MED21: variants seen among roughly 807,000 people sequenced by gnomAD.
MED21 encodes mediator complex subunit 21.
MED21 carries 9 observed loss-of-function variants against 18.2 expected under a neutral mutation model. The ratio of observed to expected loss-of-function variants is 0.49; its 90% CI spans 0.30 to 0.86. The LOEUF is 0.86. MED21 is among the 40% of genes least tolerant of loss of function. The pLI is 0.07. For missense variants in MED21, 150 were observed against 170.9 expected (o/e 0.88, Z 0.68); for synonymous variants, 73 against 60.5 (o/e 1.21, Z -0.96).
In MED21 at chr12:27,022,798, C is replaced by T. The variant is rs767984719; in HGVS notation, c.42+177C>T. On this transcript the variant is annotated intron_variant, in intron 1 of 3. Transcript: ENST00000282892. ...AACTCGGAGGTTTGAGGCCGGCTGC[C>T]GGGCGGTGCTTGAAGGTGCGGGAGG... 5 of 1,517,838 alleles carry T rather than the reference C, an allele frequency of 3.3e-6. No individual in the cohort carries two copies. In the South Asian group the frequency reaches 3.6e-5, roughly 11 times the overall value. The allele number at this position is 1,517,838 out of a possible 1,614,324, so 94.0% of individuals were successfully genotyped here.
In MED21 at chr12:27,028,681, C is replaced by A; in HGVS notation, c.*220C>A. ...AAAGCATCATACCATCATTTTTTAA[C>A]TGAGTGAAATTATTAAGGCATGTAA... On this transcript the variant is annotated 3_prime_UTR_variant, in exon 4 of 4. Transcript: ENST00000282892. The A allele has an allele frequency of 8.3e-6, 10 of 1,207,126 alleles. No homozygotes were observed. The highest frequency in any genetic ancestry group is 9.3e-6 in the Non-Finnish European group (9 of 966,970). The allele number at this position is 1,207,126 out of a possible 1,614,324, so 74.8% of individuals were successfully genotyped here.
chr12:27,033,160 C>G (rs771684366), downstream of MED21, among the ~76,000 whole-genome samples: 2 of 152,112 alleles, frequency 1.3e-5, no homozygotes, highest in Non-Finnish European at 2.9e-5. Context: ...TTGTATTCAC[C>G]CATTCAGGCT....
rs1941589226 is a variant in MED21 at position 27,029,534 on chromosome 12, T to A, written c.*1073T>A. Reference sequence around the variant, plus strand: ...CTGCAATCTGTTGCTATTCAGAGTTTAAGTTTCAGGAGAAAACAGGAACAA... The same window carrying A: ...CTGCAATCTGTTGCTATTCAGAGTTAAAGTTTCAGGAGAAAACAGGAACAA... On this transcript the variant is annotated 3_prime_UTR_variant, in exon 4 of 4. Transcript: ENST00000282892. 1 of 985,340 alleles carries A rather than the reference T, an allele frequency of 1.0e-6. No homozygotes were observed. The highest frequency in any genetic ancestry group is 1.7e-5 in the African/African-American group (1 of 57,248). 61.0% of individuals were successfully genotyped at this position (985,340 alleles called of 1,614,324 possible). A position where few individuals can be genotyped will look rare whatever the true frequency, so the allele number is the denominator to read the frequency against.
In MED21 at chr12:27,028,553, A is replaced by G; in HGVS notation, c.*92A>G. ...TTAGATACAAGCCTTACCAACAATTACAGAAACATTAAACACTATGACACA... is the reference window on the plus strand; with the variant it reads ...TTAGATACAAGCCTTACCAACAATTGCAGAAACATTAAACACTATGACACA... On this transcript the variant is annotated 3_prime_UTR_variant, in exon 4 of 4. Coordinates refer to ENST00000282892, the MANE Select transcript of MED21 (RefSeq NM_004264.5). The G allele has an allele frequency of 6.8e-7, 1 of 1,476,480 alleles. No individual in the cohort carries two copies. The highest frequency in any genetic ancestry group is 9.0e-7 in the Non-Finnish European group (1 of 1,108,752). The allele number at this position is 1,476,480 out of a possible 1,614,324, so 91.5% of individuals were successfully genotyped here.
At position 27,028,055 on chromosome 12, in the gene MED21, C is replaced by T. The variant is rs1022648746; in HGVS notation, c.259-230C>T. ...TTGGAGTAGAATAATGGTGTCTAAA[C>T]GTAATGTGTAAGGGAGTCACTTAAA... On this transcript the variant is annotated intron_variant, in intron 3 of 3. Transcript: ENST00000282892. Among the ~76,000 whole-genome samples the T allele has an allele frequency of 1.8e-4, 28 of 152,198 alleles. No individual in the cohort carries two copies. The East Asian group carries it at 1.9e-3, about 10-fold the overall frequency.
chr12:27,035,063 T>G (rs1256417467), downstream of MED21, among the ~76,000 whole-genome samples: 1 of 152,142 alleles, frequency 6.6e-6, no homozygotes, highest in Admixed American at 6.5e-5. Flanking sequence ...TCAAAACTCT[T>G]AATTAGCCCG....
chr12:27,023,005 C>A (rs947820524), intron 1 of MED21: 2 of 801,232 alleles, frequency 2.5e-6, no homozygotes, highest in Non-Finnish European at 3.3e-6. Flanking sequence ...TTTTTTCTTT[C>A]CTCATCAATT....
intron 1 of MED21, 44 bp downstream of exon 1, chr12:27,022,665 A>G (rs1941486416): frequency 1.2e-6 from 2 of 1,610,866 alleles, no homozygotes; most frequent in Admixed American, 1.7e-5. Flanking sequence ...CTCTTTCTTG[A>G]GGTAAAGCAA....
At position 27,036,742 on chromosome 12, in the gene MED21, T is replaced by G. The variant is rs528609538; in HGVS notation, n.146+9295T>G. ...TTTCTCAGGTTTGTCAAAGATCAGA[T>G]AGTTGTAGATATGTGGCGTTATTTC... is the stretch of plus-strand genomic sequence containing the variant. On this transcript the variant is annotated intron_variant and non_coding_transcript_variant, in intron 2 of 4. Transcript: ENST00000538186. Among the ~76,000 whole-genome samples, 151 of 152,336 alleles carry G rather than the reference T, an allele frequency of 9.9e-4. No individual in the cohort carries two copies. In the Middle Eastern group the frequency reaches 0.014, roughly 14 times the overall value.
chr12:27,025,346 G>A (rs1941529607), intron 1 of MED21, among the ~76,000 whole-genome samples: 1 of 152,144 alleles, frequency 6.6e-6, no homozygotes, highest in African/African-American at 2.4e-5. Context: ...AAGGAGTAGT[G>A]GAAAACGAGT....
intron 2 of MED21, 65 bp from the exon 3 acceptor site, chr12:27,027,277 ATTAAC>A (rs1158703184): frequency 9.1e-6 from 10 of 1,100,242 alleles, no homozygotes; most frequent in Non-Finnish European, 1.3e-5. Flanking sequence ...TTCTGGTTTC[ATTAAC>A]TTAAAATTTG....
rs1273176477 is a variant in MED21, at chr12:27,029,655, G to A, written c.*1194G>A. 5.1e-6 allele frequency: 5 copies of A among 985,314 alleles called. No homozygotes were observed. Among genetic ancestry groups the A allele is most frequent in the Admixed American group, 6.1e-5 (1 of 16,266 alleles). The allele number at this position is 985,314 out of a possible 1,614,324, so 61.0% of individuals were successfully genotyped here. ...AATTTCAGGAACACCAGCGTTAGCT[G>A]TAAAAGTTGCAGCAATTTATTGGCT... On this transcript the variant is annotated 3_prime_UTR_variant, in exon 4 of 4. Coordinates refer to ENST00000282892, the MANE Select transcript of MED21 (RefSeq NM_004264.5).
chr12:27,023,458 G>C (rs903903623), intron 1 of MED21, among the ~76,000 whole-genome samples: 2 of 151,754 alleles, frequency 1.3e-5, no homozygotes, highest in African/African-American at 4.8e-5. Context: ...CACCACGCCC[G>C]GCTAATGTTT....
intron 2 of MED21, chr12:27,037,761 C>T (rs1047919984): frequency 1.1e-3 from 163 of 152,118 alleles, no homozygotes; most frequent in African/African-American, 3.9e-3. Context: ...TATTTTCTTC[C>T]TTGCTGAAAC....
rs371437187 is a variant in MED21, at chr12:27,029,579, T to C, written c.*1118T>C. On this transcript the variant is annotated 3_prime_UTR_variant, in exon 4 of 4. Transcript: ENST00000282892. Reference sequence around the variant, plus strand: ...GAACAATAGAACACTCTGCCTGTTATTTTTGTTGTAATCAAGCTTTTCCAC... The same window carrying C: ...GAACAATAGAACACTCTGCCTGTTACTTTTGTTGTAATCAAGCTTTTCCAC... 8 of 985,470 alleles carry C rather than the reference T, an allele frequency of 8.1e-6. No individual in the cohort carries two copies. The South Asian group carries it at 1.9e-4, about 23-fold the overall frequency. The allele number at this position is 985,470 out of a possible 1,614,324, so 61.0% of individuals were successfully genotyped here.
Position 27,027,405 on chromosome 12 carries a change from G to T in MED21, c.216G>T (p.Leu72Phe). 2 of 1,613,762 alleles carry T rather than the reference G, an allele frequency of 1.2e-6. No homozygotes were observed. The highest frequency in any genetic ancestry group is 1.7e-6 in the Non-Finnish European group (2 of 1,179,850). ...IARTAKDIDVLIDSLPSEEST... is the reference protein window; with the variant it reads ...IARTAKDIDVFIDSLPSEEST... The stretch of plus-strand genomic sequence containing the variant: ...GAACAGCAAAAGACATTGATGTTTT[G>T]ATAGATTCCTTACCCAGTGAAGAAT... Residue 72 changes from leucine to phenylalanine, a missense_variant, in exon 3 of 4, where the codon TTG becomes TTT. Physicochemically the swap from Leu to Phe is conservative, Grantham distance 22. Transcript: ENST00000282892.
At chr12:27,023,539 C>T (rs1256730073) in intron 1 of MED21, among the ~76,000 whole-genome samples, 1 of 152,020 alleles carries the variant, frequency 6.6e-6, no homozygotes, top group Non-Finnish European at 1.5e-5. Context: ...TCAAGCGATC[C>T]TCCCGCCTCG....
downstream of MED21, among the ~76,000 whole-genome samples, chr12:27,035,313 G>A (rs1409157169): frequency 1.3e-5 from 2 of 151,794 alleles, no homozygotes; most frequent in African/African-American, 2.4e-5. Context: ...TAAATATGCG[G>A]TTTCTTTGAA....
At chr12:27,037,532 A>C (rs1033693121) in intron 2 of MED21, 1 of 152,164 alleles carries the variant, frequency 6.6e-6, no homozygotes, top group African/African-American at 2.4e-5. Context: ...TTTCAAAGGG[A>C]ATGCTTCCAG....
Sources: gnomAD v4.1 joint callset for allele counts (sites outside exome capture counted in the v4.1 genomes callset) on GRCh38, gnomAD v4.1.1 for gene constraint, MANE v1.5 for transcripts, NCBI Gene and HGNC (gene_info 2026-07-23, HGNC 2026-07-21) for gene names.